Variants in OR5M9 observed in about 807,000 individuals in gnomAD.
OR5M9 encodes the protein olfactory receptor family 5 subfamily M member 9.
For missense variants in OR5M9, 464 were observed against 383.6 expected, an observed-to-expected ratio of 1.21 and a Z score of -1.75; for synonymous variants, 174 against 145.0, an observed-to-expected ratio of 1.20 and a Z score of -1.44.
rs770530909 is a variant in OR5M9, at chr11:56,463,091, G to A, written c.311C>T (p.Ala104Val). 1.2e-6 allele frequency: 2 copies of A among 1,613,962 alleles called. No individual in the cohort carries two copies. The highest frequency in any genetic ancestry group is 2.7e-5 in the African/African-American group (2 of 74,912). The change falls in exon 1 of 1, where the codon GCC becomes GTC. Residue 104 changes from alanine to valine, a missense_variant. Transcript: ENST00000279791. ...GCLVQCYFFI[A>V]VVHVEVYILA... ...GATATAGACCTCCACGTGGACAACG[G>A]CAATGAAAAAGTAGCACTGCACCAA...
Position 56,462,848 on chromosome 11 carries a change from A to T in OR5M9, c.554T>A (p.Ile185Asn). The T allele has an allele frequency of 1.2e-6, 2 of 1,613,976 alleles. No individual in the cohort carries two copies. The highest frequency in any genetic ancestry group is 2.2e-5 in the East Asian group (1 of 44,822). ...FYCADPPLIQ[I>N]ACGRVHIKEI... ...TTTGATGTGCACTCTCCCACAGGCA[A>T]TCTGGATGAGAGGGGGATCTGCACA... Residue 185 changes from isoleucine (I) to asparagine (N), a missense_variant, in exon 1 of 1, where the codon ATT becomes AAT. Physicochemically the swap from Ile to Asn is moderately radical, Grantham distance 149 (BLOSUM62 -3). Transcript: ENST00000279791.
Position 56,462,636 on chromosome 11 carries a change from T to C in OR5M9, c.766A>G (p.Met256Val). The change falls in exon 1 of 1, where the codon ATG becomes GTG. Residue 256 changes from methionine to valine, a missense_variant. Coordinates refer to ENST00000279791, the MANE Select transcript of OR5M9 (RefSeq NM_001004743.1). ...VSMFYGTPIF[M>V]YLRRPTEESV... ...TCCTCAGTGGGTCTCCTGAGATACATGAAGATGGGGGTCCCATAAAACATA... is the reference window on the plus strand; with the variant it reads ...TCCTCAGTGGGTCTCCTGAGATACACGAAGATGGGGGTCCCATAAAACATA... 1.2e-6 allele frequency: 2 copies of C among 1,613,824 alleles called. No homozygotes were observed. Among genetic ancestry groups the C allele is most frequent in the Non-Finnish European group, 1.7e-6 (2 of 1,179,922 alleles).
In OR5M9 at chr11:56,462,871, A is replaced by C. The variant is rs750016652; in HGVS notation, c.531T>G (p.Cys177Trp). 1.2e-5 allele frequency: 19 copies of C among 1,614,070 alleles called. No homozygotes were observed. Among genetic ancestry groups the C allele is most frequent in the Middle Eastern group, 1.7e-4 (1 of 6,058 alleles). ...CAATCTGGATGAGAGGGGGATCTGC[A>C]CAATAGAAGTGATTGATTTCAAAGT... is the stretch of plus-strand genomic sequence containing the variant. ...CGNFEINHFY[C>W]ADPPLIQIAC... is the part of the protein sequence containing the mutation. Residue 177 changes from cysteine (C) to tryptophan (W), a missense_variant, in exon 1 of 1, where the codon TGT becomes TGG. Coordinates refer to ENST00000279791, the MANE Select transcript of OR5M9 (RefSeq NM_001004743.1).
In OR5M9 at chr11:56,463,296, T is replaced by C; in HGVS notation, c.106A>G (p.Thr36Ala). The C allele has an allele frequency of 3.7e-6, 6 of 1,613,412 alleles. No homozygotes were observed. Among genetic ancestry groups the C allele is most frequent in the Non-Finnish European group, 5.1e-6 (6 of 1,179,618 alleles). The change falls in exon 1 of 1, where the codon ACT becomes GCT. Residue 36 changes from threonine (T) to alanine (A), a missense_variant. Physicochemically the swap from Thr to Ala is moderately conservative, Grantham distance 58. Transcript: ENST00000279791. The stretch of plus-strand genomic sequence containing the variant: ...ATCATACCAATATTTCCCAACAGAG[T>C]GATCATGTAAACCGCTAGGAACACC... ...FVVFLAVYMITLLGNIGMIIL... is the reference protein window; with the variant it reads ...FVVFLAVYMIALLGNIGMIIL...
rs1457641606 is a variant in OR5M9 at position 56,462,511 on chromosome 11, T to G, written c.891A>C (p.Glu297Asp). ...IYSLRNKDVK[E>D]AVNKAITKTY... ...TCTTGGTGATTGCTTTGTTGACTGC[T>G]TCTTTTACATCCTTATTTCTCAGAC... The change falls in exon 1 of 1, where the codon GAA becomes GAC. Residue 297 changes from glutamate (E) to aspartate (D), a missense_variant. Coordinates refer to ENST00000279791, the MANE Select transcript of OR5M9 (RefSeq NM_001004743.1). The G allele has an allele frequency of 6.2e-7, 1 of 1,613,500 alleles. No homozygotes were observed. The highest frequency in any genetic ancestry group is 8.5e-7 in the Non-Finnish European group (1 of 1,179,578).
chr11:56,463,362 C>A lies in OR5M9; in HGVS notation c.40G>T (p.Gly14Trp). Residue 14 changes from glycine (G) to tryptophan (W), a missense_variant, in exon 1 of 1, where the codon GGG (glycine) becomes TGG (tryptophan). Gly to Trp is a radical substitution (Grantham distance 184, BLOSUM62 -2). Coordinates refer to ENST00000279791, the MANE Select transcript of OR5M9 (RefSeq NM_001004743.1). ...FTDVTEFTLL[G>W]LTCRQELQVL... The stretch of plus-strand genomic sequence containing the variant: ...TGTAGCTCCTGACGACAGGTCAGCC[C>A]CAGGAGAGTAAATTCTGTCACATCC... The A allele has an allele frequency of 1.2e-6, 2 of 1,611,820 alleles. No homozygotes were observed. Among genetic ancestry groups the A allele is most frequent in the East Asian group, 2.2e-5 (1 of 44,820 alleles).
In OR5M9 at chr11:56,463,321, C is replaced by T. The variant is rs1837427067; in HGVS notation, c.81G>A (p.Val27=). The T allele has an allele frequency of 6.2e-7, 1 of 1,613,252 alleles. No homozygotes were observed. The highest frequency in any genetic ancestry group is 1.1e-5 in the South Asian group (1 of 91,018). Residue 27 remains valine, a synonymous_variant, in exon 1 of 1, where the codon GTG becomes GTA. Transcript: ENST00000279791. The part of the protein sequence containing the change: ...CRQELQVLFF[V]VFLAVYMITL... ...TGATCATGTAAACCGCTAGGAACACCACAAAAAAGAGAACCTGTAGCTCCT... is the reference window on the plus strand; with the variant it reads ...TGATCATGTAAACCGCTAGGAACACTACAAAAAAGAGAACCTGTAGCTCCT...
Position 56,462,680 on chromosome 11 carries a change from G to A in OR5M9, c.722C>T (p.Ser241Phe), listed in dbSNP as rs1386987302. ...AAACATAGAAACAGCCGTCAAGTGG[G>A]ACCCACAGGTGGAGAACGCCTTCCT... ...GRRKAFSTCG[S>F]HLTAVSMFYG... The change falls in exon 1 of 1, where the codon TCC becomes TTC. Residue 241 changes from serine (S) to phenylalanine (F), a missense_variant. Physicochemically the swap from Ser to Phe is radical, Grantham distance 155 (BLOSUM62 -2). Transcript: ENST00000279791. 3.1e-6 allele frequency: 5 copies of A among 1,613,322 alleles called. No individual in the cohort carries two copies. Among genetic ancestry groups the A allele is most frequent in the Non-Finnish European group, 4.2e-6 (5 of 1,179,754 alleles).
At position 56,462,710 on chromosome 11, in the gene OR5M9, C is replaced by A; in HGVS notation, c.692G>T (p.Gly231Val). ...ACAGGTGGAGAACGCCTTCCTCCTGCCATCGGCAGAGCGCATGCGTAGCAC... is the reference window on the plus strand; with the variant it reads ...ACAGGTGGAGAACGCCTTCCTCCTGACATCGGCAGAGCGCATGCGTAGCAC... The part of the protein sequence containing the change: ...VAVLRMRSAD[G>V]RRKAFSTCGS... The change falls in exon 1 of 1, where the codon GGC (glycine) becomes GTC (valine). Residue 231 changes from glycine (G) to valine (V), a missense_variant. Physicochemically the swap from Gly to Val is moderately radical, Grantham distance 109. Transcript: ENST00000279791. The A allele has an allele frequency of 6.2e-7, 1 of 1,613,090 alleles. No homozygotes were observed. The highest frequency in any genetic ancestry group is 8.5e-7 in the Non-Finnish European group (1 of 1,179,598).
Position 56,462,980 on chromosome 11 carries a change from C to A in OR5M9, c.422G>T (p.Arg141Leu), listed in dbSNP as rs190978981. ...GSKMSRTVCV[R>L]LISVPYVYGF... ...ATAGACATAAGGCACAGAGATGAGC[C>A]GAACACACACAGTCCTAGACATTTT... Residue 141 changes from arginine (R) to leucine (L), a missense_variant, in exon 1 of 1, where the codon CGG becomes CTG. Physicochemically the swap from Arg to Leu is moderately radical, Grantham distance 102. Transcript: ENST00000279791. 3.3e-5 allele frequency: 53 copies of A among 1,613,812 alleles called. No homozygotes were observed. The highest frequency in any genetic ancestry group is 4.2e-5 in the Non-Finnish European group (50 of 1,179,970).
At position 56,463,294 on chromosome 11, in the gene OR5M9, A is replaced by G; in HGVS notation, c.108T>C (p.Thr36=). Residue 36 remains threonine, a synonymous_variant, in exon 1 of 1, where the codon ACT becomes ACC. Transcript: ENST00000279791. ...FVVFLAVYMI[T]LLGNIGMIIL... is the part of the protein sequence containing the mutation. Reference sequence around the variant, plus strand: ...TGATCATACCAATATTTCCCAACAGAGTGATCATGTAAACCGCTAGGAACA... The same window carrying G: ...TGATCATACCAATATTTCCCAACAGGGTGATCATGTAAACCGCTAGGAACA... 6.2e-7 allele frequency: 1 copy of G among 1,613,474 alleles called. No homozygotes were observed. The highest frequency in any genetic ancestry group is 8.5e-7 in the Non-Finnish European group (1 of 1,179,508).
Position 56,463,243 on chromosome 11 carries a change from A to C in OR5M9, c.159T>G (p.Leu53=). The change falls in exon 1 of 1, where the codon CTT becomes CTG. Residue 53 remains leucine, a synonymous_variant. Transcript: ENST00000279791. ...TCAGGAAAAAGTACATGGGACTCTG[A>C]AGCTGAGGACTGATGCTAATCAAAA... ...MIILISISPQ[L]QSPMYFFLSH... 2 of 1,613,966 alleles carry C rather than the reference A, an allele frequency of 1.2e-6. No individual in the cohort carries two copies. The highest frequency in any genetic ancestry group is 1.7e-6 in the Non-Finnish European group (2 of 1,179,948).
chr11:56,463,012 A>G lies in OR5M9; in HGVS notation c.390T>C (p.Tyr130=), dbSNP rs762544014. 3.7e-6 allele frequency: 6 copies of G among 1,614,002 alleles called. No individual in the cohort carries two copies. In the East Asian group the frequency reaches 8.9e-5, roughly 24 times the overall value. The change falls in exon 1 of 1, where the codon TAT becomes TAC. Residue 130 remains tyrosine (Y), a synonymous_variant. Coordinates refer to ENST00000279791, the MANE Select transcript of OR5M9 (RefSeq NM_001004743.1). ...RYMAGCNPLL[Y]GSKMSRTVCV... ...ACACAGTCCTAGACATTTTACTGCC[A>G]TAAAGCAGAGGGTTGCAGCCGGCCA...
chr11:56,462,578 AAC>A lies in OR5M9; in HGVS notation c.822_823del (p.Phe275LeufsTer18). 1 of 1,613,640 alleles carries A rather than the reference AAC, an allele frequency of 6.2e-7. No homozygotes were observed. Among genetic ancestry groups the A allele is most frequent in the Non-Finnish European group, 8.5e-7 (1 of 1,179,670 alleles). On this transcript the variant is annotated frameshift_variant, in exon 1 of 1. Coordinates refer to ENST00000279791, the MANE Select transcript of OR5M9 (RefSeq NM_001004743.1). LOFTEE classifies it low-confidence loss of function (END_TRUNC). ...CAACATAGGAATTACTGTGGTGTAA[AAC>A]ACAGCCACCATTTTGCCCTGCTCTA...
chr11:56,462,608 G>T lies in OR5M9; in HGVS notation c.794C>A (p.Ser265Tyr). 6.2e-7 allele frequency: 1 copy of T among 1,613,914 alleles called. No homozygotes were observed. Among genetic ancestry groups the T allele is most frequent in the Non-Finnish European group, 8.5e-7 (1 of 1,179,910 alleles). ...AGCCACCATTTTGCCCTGCTCTACGGATTCCTCAGTGGGTCTCCTGAGATA... is the reference window on the plus strand; with the variant it reads ...AGCCACCATTTTGCCCTGCTCTACGTATTCCTCAGTGGGTCTCCTGAGATA... The part of the protein sequence containing the change: ...FMYLRRPTEE[S>Y]VEQGKMVAVF... Residue 265 changes from serine to tyrosine, a missense_variant, in exon 1 of 1, where the codon TCC (serine) becomes TAC (tyrosine). Transcript: ENST00000279791.
At position 56,462,565 on chromosome 11, in the gene OR5M9, T is replaced by C. The variant is rs1183670776; in HGVS notation, c.837A>G (p.Val279=). ...GKMVAVFYTT[V]IPMLNPMIYS... is the part of the protein sequence containing the mutation. ...AGATCATGGGATTCAACATAGGAAT[T>C]ACTGTGGTGTAAAACACAGCCACCA... The change falls in exon 1 of 1, where the codon GTA becomes GTG. Residue 279 remains valine (V), a synonymous_variant. Coordinates refer to ENST00000279791, the MANE Select transcript of OR5M9 (RefSeq NM_001004743.1). The C allele has an allele frequency of 7.4e-6, 12 of 1,613,470 alleles. No homozygotes were observed. The highest frequency in any genetic ancestry group is 7.6e-6 in the Non-Finnish European group (9 of 1,179,518).
Position 56,463,390 on chromosome 11 carries a change from G to T in OR5M9, c.12C>A (p.Phe4Leu), listed in dbSNP as rs1853583680. ...GGAGAGTAAATTCTGTCACATCCGTGAAATTAGGCATTGCCTTAGTATAGG... is the reference window on the plus strand; with the variant it reads ...GGAGAGTAAATTCTGTCACATCCGTTAAATTAGGCATTGCCTTAGTATAGG... MPN[F>L]TDVTEFTLLG... Residue 4 changes from phenylalanine to leucine, a missense_variant, in exon 1 of 1, where the codon TTC (phenylalanine) becomes TTA (leucine). Coordinates refer to ENST00000279791, the MANE Select transcript of OR5M9 (RefSeq NM_001004743.1). 6.2e-7 allele frequency: 1 copy of T among 1,604,576 alleles called. No individual in the cohort carries two copies.
In OR5M9 at chr11:56,463,320, C is replaced by A. The variant is rs2134827167; in HGVS notation, c.82G>T (p.Val28Leu). 1 of 1,613,578 alleles carries A rather than the reference C, an allele frequency of 6.2e-7. No homozygotes were observed. The highest frequency in any genetic ancestry group is 8.5e-7 in the Non-Finnish European group (1 of 1,179,766). Reference protein sequence around the residue: ...RQELQVLFFVVFLAVYMITLL... With the variant: ...RQELQVLFFVLFLAVYMITLL... ...GTGATCATGTAAACCGCTAGGAACA[C>A]CACAAAAAAGAGAACCTGTAGCTCC... Residue 28 changes from valine (V) to leucine (L), a missense_variant, in exon 1 of 1, where the codon GTG becomes TTG. By Grantham distance (32) the Val-to-Leu change is conservative (BLOSUM62 1). Coordinates refer to ENST00000279791, the MANE Select transcript of OR5M9 (RefSeq NM_001004743.1).
Position 56,462,889 on chromosome 11 carries a change from T to A in OR5M9, c.513A>T (p.Glu171Asp). The change falls in exon 1 of 1, where the codon GAA (glutamate) becomes GAT (aspartate). Residue 171 changes from glutamate (E) to aspartate (D), a missense_variant. Glu to Asp is a conservative substitution (Grantham distance 45). Transcript: ENST00000279791. Reference protein sequence around the residue: ...TYGLYFCGNFEINHFYCADPP... With the variant: ...TYGLYFCGNFDINHFYCADPP... ...GATCTGCACAATAGAAGTGATTGAT[T>A]TCAAAGTTTCCACAGAAGTATAAGC... The A allele has an allele frequency of 6.2e-7, 1 of 1,614,016 alleles. No homozygotes were observed. Among genetic ancestry groups the A allele is most frequent in the Non-Finnish European group, 8.5e-7 (1 of 1,179,960 alleles).
Sources: gnomAD v4.1 joint callset for allele counts on GRCh38, gnomAD v4.1.1 for gene constraint, MANE v1.5 for transcripts, NCBI Gene and HGNC (gene_info 2026-07-23, HGNC 2026-07-21) for gene names.